FGD4: variants seen among roughly 807,000 people sequenced by gnomAD.
FGD4 encodes FYVE, RhoGEF and PH domain containing 4, also known as FYVE, RhoGEF and PH domain-containing protein 4.
A neutral mutation model predicts 102.0 loss-of-function variants in FGD4; 42 were observed. The observed-to-expected ratio is 0.41, with a 90% confidence interval of 0.32 to 0.53. FGD4 has a LOEUF of 0.53. Among genes scored for constraint, FGD4 ranks in the 20% least tolerant of loss-of-function variants. The probability of loss-of-function intolerance (pLI) is 0.21; values close to 1 mark genes in which losing one functional copy is unlikely to be tolerated. For missense variants in FGD4, 902 were observed against 1,078.2 expected (o/e 0.84, Z 2.29); for synonymous variants, 380 against 375.7 (o/e 1.01, Z -0.13).
At chr12:32,471,000 A>G (rs1006244120) in intron 1 of FGD4, among the ~76,000 whole-genome samples, 4 of 152,170 alleles carry the variant, frequency 2.6e-5, no homozygotes, top group Non-Finnish European at 5.9e-5. Context: ...AATATTTGTT[A>G]TTAATGGCTT....
intron 14 of FGD4, 122 bp downstream of exon 14, chr12:32,625,901 C>T: frequency 7.5e-7 from 1 of 1,325,482 alleles, no homozygotes; most frequent in South Asian, 1.2e-5. Flanking sequence ...ATTTTGGTGC[C>T]AATTACGTGC....
At chr12:32,625,613 A>G (rs200652836) in intron 13 of FGD4, 41 bp from the exon 14 acceptor site, 131 of 1,596,474 alleles carry the variant, frequency 8.2e-5, no homozygotes, top group Non-Finnish European at 1.2e-5. Flanking sequence ...AGGGAATTAT[A>G]GTTTTTTTCT....
intron 1 of FGD4, among the ~76,000 whole-genome samples, chr12:32,473,806 G>T (rs1335616559): frequency 6.6e-6 from 1 of 152,178 alleles, no homozygotes; most frequent in Non-Finnish European, 1.5e-5. Flanking sequence ...AGGAGCTGTG[G>T]ACCGGGCGCG....
intron 1 of FGD4, among the ~76,000 whole-genome samples, chr12:32,492,487 A>G (rs1350242245): frequency 6.6e-6 from 1 of 152,242 alleles, no homozygotes; most frequent in Non-Finnish European, 1.5e-5. Flanking sequence ...TAGTGGTTTT[A>G]TAGTGGATTT....
chr12:32,570,265 A>G (rs1369568553), intron 2 of FGD4, among the ~76,000 whole-genome samples: 1 of 148,938 alleles, frequency 6.7e-6, no homozygotes, highest in Admixed American at 6.8e-5. Flanking sequence ...AAAAAAAAGA[A>G]ATGCTAAAAT....
chr12:32,498,296 C>G (rs899640709), intron 1 of FGD4, among the ~76,000 whole-genome samples: 1 of 152,106 alleles, frequency 6.6e-6, no homozygotes, highest in African/African-American at 2.4e-5. Flanking sequence ...CTAGACAGTT[C>G]CCTTTTAAAA....
At chr12:32,408,572 T>C (rs2651368) in intron 1 of FGD4, among the ~76,000 whole-genome samples, 82,515 of 152,032 alleles carry the variant, frequency 0.54, 23,381 homozygotes, top group African/African-American at 0.71. Context: ...CCATCCTAGA[T>C]TTTAAACCTT....
intron 2 of FGD4, among the ~76,000 whole-genome samples, chr12:32,574,367 T>A (rs917326661): frequency 1.3e-5 from 2 of 152,064 alleles, no homozygotes; most frequent in East Asian, 3.9e-4. Context: ...ATTTTCCTGT[T>A]TTACTGCATT....
At chr12:32,418,650 C>A (rs530575169) in intron 1 of FGD4, among the ~76,000 whole-genome samples, 3 of 152,124 alleles carry the variant, frequency 2.0e-5, no homozygotes, top group Non-Finnish European at 4.4e-5. Flanking sequence ...GGGACTGTAC[C>A]GGTTCAGACC....
chr12:32,607,136 G>C (rs915552976), intron 7 of FGD4, among the ~76,000 whole-genome samples: 18 of 152,196 alleles, frequency 1.2e-4, no homozygotes, highest in Non-Finnish European at 1.0e-4. Flanking sequence ...ACAAACCCTT[G>C]TAGTGACTAA....
intron 1 of FGD4, among the ~76,000 whole-genome samples, chr12:32,441,685 C>T (rs1942439926): frequency 6.6e-6 from 1 of 152,026 alleles, no homozygotes; most frequent in South Asian, 2.1e-4. Flanking sequence ...TGTTGCTTGT[C>T]CCCCTAGTCC....
At chr12:32,452,592 G>T (rs149037586) in intron 1 of FGD4, among the ~76,000 whole-genome samples, 1 of 152,286 alleles carries the variant, frequency 6.6e-6, no homozygotes, top group East Asian at 1.9e-4. Flanking sequence ...GTGATCACAT[G>T]GTAGGTGAAT....
chr12:32,586,298 AAAAG>A (rs1947025076), intron 4 of FGD4, among the ~76,000 whole-genome samples: 1 of 152,352 alleles, frequency 6.6e-6, no homozygotes, highest in African/African-American at 2.4e-5. Context: ...TTTTCATTGA[AAAAG>A]AAGAAAATTG....
At chr12:32,519,363 G>A (rs2136723536) in intron 1 of FGD4, among the ~76,000 whole-genome samples, 1 of 152,260 alleles carries the variant, frequency 6.6e-6, no homozygotes, top group East Asian at 1.9e-4. Context: ...TGAAATGATT[G>A]TTTGGAAATG....
chr12:32,432,726 C>T (rs1184408269), intron 1 of FGD4, among the ~76,000 whole-genome samples: 1 of 151,938 alleles, frequency 6.6e-6, no homozygotes, highest in Non-Finnish European at 1.5e-5. Flanking sequence ...TTAACATGAA[C>T]GTGAACCTTC....
chr12:32,404,059 T>C (rs1296882998), intron 1 of FGD4, among the ~76,000 whole-genome samples: 1 of 150,810 alleles, frequency 6.6e-6, no homozygotes, highest in African/African-American at 2.5e-5. Flanking sequence ...TCTTACAAGT[T>C]AGTTACTTGT....
intron 1 of FGD4, among the ~76,000 whole-genome samples, chr12:32,547,872 A>G (rs1943351989): frequency 6.6e-6 from 1 of 151,988 alleles, no homozygotes; most frequent in South Asian, 2.1e-4. Flanking sequence ...ACACCCAGCT[A>G]ATTTTTATTT....
chr12:32,412,924 T>TTTTTTTTTTTTG (rs1941265777), intron 1 of FGD4, among the ~76,000 whole-genome samples: 1 of 138,038 alleles, frequency 7.2e-6, no homozygotes, highest in Non-Finnish European at 1.6e-5. Flanking sequence ...TTTTTTTTTT[T>TTTTTTTTTTTTG]AATTAGCCAG....
chr12:32,526,659 T>C lies in FGD4; in HGVS notation c.167-37478T>C, dbSNP rs573155704. On this transcript the variant is annotated intron_variant, in intron 1 of 16. Transcript: ENST00000534526. Reference sequence around the variant, plus strand: ...AGGTCCCCTTCCACACTGTGGGAGCTTTGTTCTTTCGCTATTTGCGATAAA... The same window carrying C: ...AGGTCCCCTTCCACACTGTGGGAGCCTTGTTCTTTCGCTATTTGCGATAAA... Among the ~76,000 whole-genome samples the C allele has an allele frequency of 2.6e-5, 4 of 152,162 alleles. No homozygotes were observed. The South Asian group carries it at 6.2e-4, about 24-fold the overall frequency.
Sources: gnomAD v4.1 joint callset for allele counts (sites outside exome capture counted in the v4.1 genomes callset) on GRCh38, gnomAD v4.1.1 for gene constraint, MANE v1.5 for transcripts, NCBI Gene and HGNC (gene_info 2026-07-23, HGNC 2026-07-21) for gene names.